Variants in HCK observed in about 807,000 individuals in gnomAD.
HCK encodes the protein HCK proto-oncogene, Src family tyrosine kinase.
HCK carries 40 observed loss-of-function variants against 70.4 expected under a neutral mutation model. That is an observed-to-expected ratio of 0.57 (90% CI 0.44 to 0.74). The LOEUF (loss-of-function observed/expected upper bound fraction) is 0.74, where lower values mean the gene tolerates loss of function less well. HCK is among the 30% of genes least tolerant of loss of function. The pLI, the probability that HCK is intolerant of heterozygous loss-of-function variation, is 0.00. For missense variants in HCK, 568 were observed against 697.2 expected, an observed-to-expected ratio of 0.81 and a Z score of 2.09; for synonymous variants, 245 against 263.2, an observed-to-expected ratio of 0.93 and a Z score of 0.67.
intron 6 of HCK, among the ~76,000 whole-genome samples, chr20:32,080,930 ATT>A (rs1174794133): frequency 1.3e-5 from 2 of 151,798 alleles, no homozygotes; most frequent in Admixed American, 1.3e-4. Flanking sequence ...TGTATGAAAA[ATT>A]TTAAAAATTA....
At chr20:32,091,899 T>A (rs1379228248) in intron 10 of HCK, among the ~76,000 whole-genome samples, 3 of 151,332 alleles carry the variant, frequency 2.0e-5, no homozygotes, top group Non-Finnish European at 4.4e-5. Context: ...GTGGGAAGAC[T>A]GCTTGAGCCC....
intron 4 of HCK, 75 bp downstream of exon 4, chr20:32,073,893 A>G (rs2045582970): frequency 1.2e-6 from 1 of 833,320 alleles, no homozygotes; most frequent in Non-Finnish European, 2.0e-6. Flanking sequence ...GTGCTTCCAT[A>G]AAGAACCTGA....
intron 1 of HCK, among the ~76,000 whole-genome samples, chr20:32,054,676 G>A (rs2045242286): frequency 6.6e-6 from 1 of 150,816 alleles, no homozygotes; most frequent in South Asian, 2.1e-4. Context: ...CATGGTGGCG[G>A]GCGCCTGTAG....
intron 1 of HCK, among the ~76,000 whole-genome samples, chr20:32,052,927 G>T (rs1007793366): frequency 3.3e-5 from 5 of 152,074 alleles, no homozygotes; most frequent in Admixed American, 3.3e-4. Flanking sequence ...TGGGGAAGGG[G>T]GTAGTTGGGC....
intron 11 of HCK, among the ~76,000 whole-genome samples, chr20:32,094,700 A>AAAGAAAG (rs1175240031): frequency 1.1e-5 from 1 of 90,630 alleles, no homozygotes; most frequent in African/African-American, 5.0e-5. Context: ...AAAAGAAAAG[A>AAAGAAAG]AAAGAAAAGA....
At chr20:32,074,198 A>G (rs527749397) in intron 4 of HCK, among the ~76,000 whole-genome samples, 1 of 152,122 alleles carries the variant, frequency 6.6e-6, no homozygotes, top group Non-Finnish European at 1.5e-5. Flanking sequence ...TCATGGGTAT[A>G]GTGTCCAGGA....
intron 8 of HCK, among the ~76,000 whole-genome samples, chr20:32,085,025 G>A (rs1406608047): frequency 6.6e-6 from 1 of 152,220 alleles, no homozygotes. Flanking sequence ...AAGAACTTAA[G>A]AACAACACTG....
In HCK at chr20:32,074,479, T is replaced by G. The variant is rs192061621; in HGVS notation, c.330-144T>G. On this transcript the variant is annotated intron_variant, in intron 4 of 12. Transcript: ENST00000375852. ...CCCTACCCTAATCATGGCCACATGC[T>G]GGGGCTGACATAGTCACAGCCCTGT... is the stretch of plus-strand genomic sequence containing the variant. The G allele has an allele frequency of 1.4e-4, 90 of 662,948 alleles. No homozygotes were observed. The African/African-American group carries it at 1.5e-3, about 11-fold the overall frequency. The allele number at this position is 662,948 out of a possible 1,614,324, so 41.1% of individuals were successfully genotyped here.
intron 12 of HCK, among the ~76,000 whole-genome samples, chr20:32,101,110 C>T (rs1251116803): frequency 6.6e-6 from 1 of 152,232 alleles, no homozygotes; most frequent in Non-Finnish European, 1.5e-5. Context: ...ACCTCCCCAT[C>T]AGCTCCCATT....
chr20:32,071,723 A>C lies in HCK; in HGVS notation c.124A>C (p.Thr42Pro). 1 of 1,614,050 alleles carries C rather than the reference A, an allele frequency of 6.2e-7. No homozygotes were observed. Residue 42 changes from threonine (T) to proline (P), a missense_variant, in exon 2 of 13, where the codon ACC becomes CCC. Transcript: ENST00000375852. ...AGGCAATACATTCTCAAAAACTGAA[A>C]CCAGCGCCAGCCCACACTGTCCTGT...
intron 1 of HCK, among the ~76,000 whole-genome samples, chr20:32,070,461 T>C (rs1186475144): frequency 3.9e-5 from 6 of 152,200 alleles, no homozygotes; most frequent in Admixed American, 3.9e-4. Flanking sequence ...TCTAAGCACA[T>C]GCCAGCCTCA....
chr20:32,097,454 C>T (rs1461609681), intron 11 of HCK, among the ~76,000 whole-genome samples: 2 of 152,144 alleles, frequency 1.3e-5, no homozygotes, highest in Non-Finnish European at 2.9e-5. Flanking sequence ...TGGCGGGCAC[C>T]TGTAGTCCCA....
chr20:32,093,723 G>C, intron 10 of HCK, 140 bp from the exon 11 acceptor site: 1 of 731,874 alleles, frequency 1.4e-6, no homozygotes, highest in Non-Finnish European at 2.1e-6. Flanking sequence ...CTGAGCCCTG[G>C]GGCCCTCCCG....
intron 5 of HCK, among the ~76,000 whole-genome samples, chr20:32,078,518 G>A (rs1263484005): frequency 6.6e-6 from 1 of 152,074 alleles, no homozygotes; most frequent in East Asian, 1.9e-4. Context: ...CCAGCTGTGT[G>A]ACTCTAGGCA....
chr20:32,096,797 C>A (rs886665725), intron 11 of HCK, among the ~76,000 whole-genome samples: 7 of 152,104 alleles, frequency 4.6e-5, no homozygotes, highest in Non-Finnish European at 2.9e-5. Context: ...CCACTATGCA[C>A]AGGCTGCAGT....
At chr20:32,078,337 G>A (rs557207147) in intron 5 of HCK, among the ~76,000 whole-genome samples, 6 of 151,658 alleles carry the variant, frequency 4.0e-5, no homozygotes, top group East Asian at 2.0e-4. Flanking sequence ...GAGCCACCGC[G>A]CCCAGCCGGG....
At chr20:32,062,717 C>A (rs776337933) in intron 1 of HCK, among the ~76,000 whole-genome samples, 1 of 152,096 alleles carries the variant, frequency 6.6e-6, no homozygotes. Context: ...AAAGGGAAGA[C>A]GTGAGAAGTC....
At chr20:32,073,259 C>G (rs1287615794) in intron 2 of HCK, 60 bp from the exon 3 acceptor site, 4 of 1,458,482 alleles carry the variant, frequency 2.7e-6, no homozygotes, top group Non-Finnish European at 3.8e-6. Context: ...CAACACAGAC[C>G]TTCCACGGGT....
intron 11 of HCK, among the ~76,000 whole-genome samples, chr20:32,094,797 G>A (rs1360439405): frequency 3.0e-4 from 10 of 33,274 alleles, no homozygotes; most frequent in African/African-American, 7.3e-4. Context: ...GAGAAAGAAA[G>A]AAAGAAAGAA....
Sources: gnomAD v4.1 joint callset for allele counts (sites outside exome capture counted in the v4.1 genomes callset) on GRCh38, gnomAD v4.1.1 for gene constraint, MANE v1.5 for transcripts, NCBI Gene and HGNC (gene_info 2026-07-23, HGNC 2026-07-21) for gene names.